The following PIEZO2 variants were observed in gnomAD, a reference collection of about 807,000 sequenced individuals.
PIEZO2 encodes piezo type mechanosensitive ion channel component 2.
Under a neutral mutation model 337.3 loss-of-function variants are expected in PIEZO2, and 172 were observed. The ratio of observed to expected loss-of-function variants is 0.51; its 90% CI spans 0.45 to 0.58. The LOEUF (loss-of-function observed/expected upper bound fraction) is 0.58, where lower values mean the gene tolerates loss of function less well. PIEZO2 is among the 20% of genes least tolerant of loss of function. The pLI is 0.00. For missense variants in PIEZO2, 3,028 were observed against 3,391.3 expected (o/e 0.89, Z 2.66); for synonymous variants, 1,251 against 1,228.5 (o/e 1.02, Z -0.38).
chr18:11,066,022 G>T, intron 2 of PIEZO2, 105 bp downstream of exon 2: 1 of 865,330 alleles, frequency 1.2e-6, no homozygotes, highest in Non-Finnish European at 1.8e-6. Flanking sequence ...TAGCCCTGCT[G>T]CATAGATAAC....
rs750928939 is a variant in PIEZO2 at position 11,127,047 on chromosome 18, G to T, written c.64+21478C>A. ...GGGAGCTTGTTTTCCTGGAACAAACGGTTTAGTTGGAGGAGAGAGAAGGAG... is the reference window on the plus strand; with the variant it reads ...GGGAGCTTGTTTTCCTGGAACAAACTGTTTAGTTGGAGGAGAGAGAAGGAG... On this transcript the variant is annotated intron_variant, in intron 1 of 55. Coordinates refer to ENST00000674853, the MANE Select transcript of PIEZO2 (RefSeq NM_001378183.1). This position sits in a 1 kb window ranked among gnomAD's most constrained non-coding sequence, Gnocchi z 4.5. 2.0e-5 allele frequency among the ~76,000 whole-genome samples: 3 copies of T among 152,128 alleles called. No individual in the cohort carries two copies. The highest frequency in any genetic ancestry group is 6.5e-5 in the Admixed American group (1 of 15,272).
chr18:10,961,340 C>G (rs953524960), intron 3 of PIEZO2, among the ~76,000 whole-genome samples: 2 of 152,116 alleles, frequency 1.3e-5, no homozygotes, highest in East Asian at 3.9e-4. Flanking sequence ...TATGTTCTTA[C>G]TGATATGTGG....
chr18:10,784,504 T>A lies in PIEZO2; in HGVS notation c.2492+280A>T, dbSNP rs568591677. Among the ~76,000 whole-genome samples the A allele has an allele frequency of 6.6e-6, 1 of 152,172 alleles. No individual in the cohort carries two copies. The highest frequency in any genetic ancestry group is 1.5e-5 in the Non-Finnish European group (1 of 68,042). Reference sequence around the variant, plus strand: ...ACCAGCCTAGACACAAATACACATATCAACTCTAAAATATTTAAGTCTCCA... The same window carrying A: ...ACCAGCCTAGACACAAATACACATAACAACTCTAAAATATTTAAGTCTCCA... On this transcript the variant is annotated intron_variant, in intron 17 of 55. Transcript: ENST00000674853. The surrounding 1 kb of genome is among the most constrained non-coding windows in gnomAD (Gnocchi z 4.5).
chr18:10,842,098 G>A (rs2041213335), intron 7 of PIEZO2, among the ~76,000 whole-genome samples: 2 of 148,656 alleles, frequency 1.3e-5, no homozygotes, highest in African/African-American at 5.0e-5. Flanking sequence ...GCAGTGAGCC[G>A]AGATCGCACC....
chr18:10,873,688 T>C (rs1480087249), intron 4 of PIEZO2, among the ~76,000 whole-genome samples: 3 of 152,158 alleles, frequency 2.0e-5, no homozygotes, highest in Non-Finnish European at 4.4e-5. Context: ...ATAATATACA[T>C]AAAAATTAAA....
intron 1 of PIEZO2, among the ~76,000 whole-genome samples, chr18:11,088,949 T>G (rs1274436436): frequency 6.6e-6 from 1 of 152,222 alleles, no homozygotes; most frequent in Non-Finnish European, 1.5e-5. Flanking sequence ...AAATGGGAAT[T>G]AGCCAGGTAA....
intron 2 of PIEZO2, among the ~76,000 whole-genome samples, chr18:11,046,005 G>C (rs1310397143): frequency 5.3e-4 from 81 of 152,104 alleles, no homozygotes; most frequent in Non-Finnish European, 1.5e-5. Flanking sequence ...GATTCTGTTA[G>C]GGTGTTCCAC....
Position 10,877,135 on chromosome 18 carries a change from GA to G in PIEZO2, c.330-5721del, listed in dbSNP as rs1479713098. 3.9e-5 allele frequency among the ~76,000 whole-genome samples: 6 copies of G among 152,118 alleles called. No homozygotes were observed. ...CTCTACGTCCTACTTAATTGTTGAT[GA>G]GTCCACAAAATTCTGTTCTTCATTT... On this transcript the variant is annotated intron_variant, in intron 4 of 55. Transcript: ENST00000674853. This position sits in a 1 kb window ranked among gnomAD's most constrained non-coding sequence, Gnocchi z 5.3.
At chr18:10,999,773 G>A (rs2035466687) in intron 2 of PIEZO2, among the ~76,000 whole-genome samples, 1 of 152,062 alleles carries the variant, frequency 6.6e-6, no homozygotes, top group Admixed American at 6.6e-5. Flanking sequence ...TATATTTAAA[G>A]AATTTCCCAC....
chr18:10,805,974 C>G (rs546007225), intron 8 of PIEZO2, among the ~76,000 whole-genome samples: 1 of 152,350 alleles, frequency 6.6e-6, no homozygotes, highest in African/African-American at 2.4e-5. Flanking sequence ...GACCATTTTT[C>G]TCTTTTAGAA....
chr18:10,890,392 A>G (rs1243585814), intron 4 of PIEZO2: 1 of 152,218 alleles, frequency 6.6e-6, no homozygotes, highest in Non-Finnish European at 1.5e-5. Context: ...AAGCAGCTAT[A>G]ACAAGAATGT....
intron 7 of PIEZO2, among the ~76,000 whole-genome samples, chr18:10,844,555 G>A (rs555620609): frequency 1.1e-4 from 17 of 151,748 alleles, no homozygotes; most frequent in East Asian, 1.9e-4. Flanking sequence ...TTGGGAGGCC[G>A]AGGTGGGTGG....
chr18:11,047,350 G>A lies in PIEZO2; in HGVS notation c.160+18777C>T, dbSNP rs1362814846. Among the ~76,000 whole-genome samples, 3 of 152,220 alleles carry A rather than the reference G, an allele frequency of 2.0e-5. No individual in the cohort carries two copies. The highest frequency in any genetic ancestry group is 4.4e-5 in the Non-Finnish European group (3 of 68,040). On this transcript the variant is annotated intron_variant, in intron 2 of 55. Coordinates refer to ENST00000674853, the MANE Select transcript of PIEZO2 (RefSeq NM_001378183.1). This position sits in a 1 kb window ranked among gnomAD's most constrained non-coding sequence, Gnocchi z 7.2. The stretch of plus-strand genomic sequence containing the variant: ...GCAGTGGGATGGGGGTGGGGAGCAA[G>A]GTTGGAATGGAGTAGGAGCGAGGGA...
chr18:10,752,579 G>T, intron 28 of PIEZO2, 57 bp downstream of exon 28: 1 of 1,505,622 alleles, frequency 6.6e-7, no homozygotes, highest in Non-Finnish European at 8.9e-7. Flanking sequence ...ACCACTGAGT[G>T]GACTGTTTAC....
At chr18:10,896,621 C>T (rs1363353020) in intron 4 of PIEZO2, among the ~76,000 whole-genome samples, 8 of 152,152 alleles carry the variant, frequency 5.3e-5, no homozygotes, top group Non-Finnish European at 1.0e-4. Flanking sequence ...CACTGGAAGC[C>T]GTATGTGAGG....
At chr18:10,736,447 A>G (rs1274426232) in intron 34 of PIEZO2, among the ~76,000 whole-genome samples, 157 bp downstream of exon 34, 1 of 151,736 alleles carries the variant, frequency 6.6e-6, no homozygotes, top group African/African-American at 2.4e-5. Flanking sequence ...AGGCATCATT[A>G]CAATTTAATT....
At position 10,726,841 on chromosome 18, in the gene PIEZO2, C is replaced by T. The variant is rs1178584054; in HGVS notation, c.5029+4566G>A. 6.3e-7 allele frequency: 1 copy of T among 1,584,702 alleles called. No individual in the cohort carries two copies. Among genetic ancestry groups the T allele is most frequent in the Non-Finnish European group, 8.6e-7 (1 of 1,156,206 alleles). ...GCTGGATAATACCCGGATGCCCCAC[C>T]TTATGCAGGACTTGGCACGCTACCG... On this transcript the variant is annotated intron_variant, in intron 36 of 55. Transcript: ENST00000674853. The surrounding 1 kb of genome is among the most constrained non-coding windows in gnomAD (Gnocchi z 5.9).
intron 4 of PIEZO2, among the ~76,000 whole-genome samples, chr18:10,875,088 T>A (rs1424094780): frequency 6.6e-6 from 1 of 152,096 alleles, no homozygotes; most frequent in African/African-American, 2.4e-5. Context: ...ATATGTACAA[T>A]TATTACAAAT....
intron 14 of PIEZO2, among the ~76,000 whole-genome samples, chr18:10,790,270 A>G (rs1025392722): frequency 3.9e-5 from 6 of 152,180 alleles, no homozygotes; most frequent in Admixed American, 3.9e-4. Context: ...GTGTGTGTGT[A>G]TGGAGATATA....
Sources: allele counts gnomAD v4.1 joint callset (sites outside exome capture counted in the v4.1 genomes callset), GRCh38; gene constraint gnomAD v4.1.1; non-coding constraint Gnocchi (gnomAD v3.1); transcripts MANE v1.5; gene names NCBI Gene and HGNC (gene_info 2026-07-23, HGNC 2026-07-21).